Variants in MYH3 observed in about 807,000 individuals in gnomAD.
MYH3 encodes myosin heavy chain 3.
MYH3 carries 130 observed loss-of-function variants against 238.0 expected under a neutral mutation model. The observed-to-expected ratio is 0.55, with a 90% confidence interval of 0.47 to 0.63. MYH3 has a LOEUF of 0.63. Ranked by LOEUF, MYH3 falls within the 30% of genes least tolerant of loss-of-function variation. The pLI is 0.00. For synonymous variants in MYH3, 880 were observed against 924.1 expected (o/e 0.95, Z 0.86); for missense variants, 1,853 against 2,374.9 (o/e 0.78, Z 4.57).
chr17:10,636,288 CAAAAAAAA>C (rs397786526), intron 28 of MYH3, among the ~76,000 whole-genome samples: 1 of 81,024 alleles, frequency 1.2e-5, no homozygotes, highest in African/African-American at 5.2e-5. Context: ...GCCTCAATCT[CAAAAAAAA>C]AAAAAAAAAA....
At chr17:10,634,767 A>C (rs1166011067) in intron 31 of MYH3, 73 bp downstream of exon 31, 8 of 1,591,414 alleles carry the variant, frequency 5.0e-6, no homozygotes, top group Non-Finnish European at 6.9e-6. Context: ...TCCGGGATGC[A>C]TTCTCCTCCT....
rs148568052 is a variant in MYH3, at chr17:10,637,826, C to T, written c.3839G>A (p.Arg1280His). The part of the protein sequence containing the change: ...SLSELTTQKS[R>H]LQTEAGELSR... ...TGGCTTACCAGCCTCGGTCTGCAAA[C>T]GAGACTTCTGTGTGGTCAGCTCGCT... is the stretch of plus-strand genomic sequence containing the variant. The change falls in exon 28 of 41, where the codon CGT becomes CAT. Residue 1280 changes from arginine (R) to histidine (H), a missense_variant. Arg to His is a conservative substitution (Grantham distance 29). Coordinates refer to ENST00000583535, the MANE Select transcript of MYH3 (RefSeq NM_002470.4). 18 of 1,613,998 alleles carry T rather than the reference C, an allele frequency of 1.1e-5. No homozygotes were observed. The highest frequency in any genetic ancestry group is 2.2e-5 in the South Asian group (2 of 91,080).
chr17:10,655,661 CT>C (rs1321115622), intron 2 of MYH3, among the ~76,000 whole-genome samples: 9 of 148,590 alleles, frequency 6.1e-5, no homozygotes, highest in Admixed American at 6.8e-5. Context: ...CTGTCCTTGC[CT>C]TTTTTTTTTG....
chr17:10,656,486 G>A (rs1054070726), intron 1 of MYH3, among the ~76,000 whole-genome samples: 15 of 150,640 alleles, frequency 1.0e-4, no homozygotes, highest in Non-Finnish European at 1.8e-4. Context: ...GCAGTGAGCC[G>A]AGATTGTGCC....
the MYH3 span, among the ~76,000 whole-genome samples, chr17:10,672,009 T>C: frequency 1.3e-5 from 2 of 152,254 alleles, no homozygotes; most frequent in Non-Finnish European, 2.9e-5. Context: ...TGGTTTACTT[T>C]ATGCTTTCTG....
the MYH3 span, among the ~76,000 whole-genome samples, chr17:10,666,666 G>T: frequency 2.0e-5 from 3 of 152,044 alleles, no homozygotes; most frequent in East Asian, 1.9e-4. Flanking sequence ...GGAGGCTGAG[G>T]GGGGAGGACT....
chr17:10,639,329 GT>G lies in MYH3; in HGVS notation c.3070del (p.Thr1024ProfsTer16). 6.2e-7 allele frequency: 1 copy of G among 1,614,126 alleles called. No individual in the cohort carries two copies. Among genetic ancestry groups the G allele is most frequent in the Non-Finnish European group, 8.5e-7 (1 of 1,180,026 alleles). On this transcript the variant is annotated frameshift_variant, in exon 24 of 41. Transcript: ENST00000583535. LOFTEE classifies it high-confidence loss of function. ...CACTTGCTGTTCCAGTTTGCTCTTG[GT>G]TTTGTTCAAAGAATTGACTTTGTCT... is the stretch of plus-strand genomic sequence containing the variant. ...EEDKVNSLNK[T>X]KSKLEQQVED...
At chr17:10,649,534 G>A (rs374849713) in intron 7 of MYH3, 43 bp downstream of exon 7, 2 of 1,505,554 alleles carry the variant, frequency 1.3e-6, no homozygotes, top group African/African-American at 1.4e-5. Flanking sequence ...TAAGACCACA[G>A]TTAAAAGTGG....
rs554483729 is a variant in MYH3, at chr17:10,630,219, T to C, written c.5458-23A>G. 3.1e-6 allele frequency: 5 copies of C among 1,614,146 alleles called. No homozygotes were observed. The South Asian group carries it at 5.5e-5, about 18-fold the overall frequency. On this transcript the variant is annotated intron_variant, in intron 37 of 40. Transcript: ENST00000583535. ...GATCTGGGGGAGAGGGTGGGGAAAT[T>C]AGTCTGGGGCTGCAGCGTGATTGGG... is the stretch of plus-strand genomic sequence containing the variant.
chr17:10,628,562 A>G lies in MYH3; in HGVS notation c.*91T>C. The G allele has an allele frequency of 7.0e-7, 1 of 1,427,778 alleles. No individual in the cohort carries two copies. The highest frequency in any genetic ancestry group is 9.9e-7 in the Non-Finnish European group (1 of 1,010,226). 88.4% of individuals were successfully genotyped at this position (1,427,778 alleles called of 1,614,324 possible). ...ACAAAGCAAAGTTTATTGCATGTGA[A>G]AAAGAGTCACATGGACATTAAGTAT... On this transcript the variant is annotated 3_prime_UTR_variant, in exon 41 of 41. Coordinates refer to ENST00000583535, the MANE Select transcript of MYH3 (RefSeq NM_002470.4).
In MYH3 at chr17:10,642,852, C is replaced by A. The variant is rs921836422; in HGVS notation, c.1555G>T (p.Ala519Ser). 11 of 1,614,044 alleles carry A rather than the reference C, an allele frequency of 6.8e-6. No homozygotes were observed. The highest frequency in any genetic ancestry group is 9.3e-6 in the Non-Finnish European group (11 of 1,180,042). ...TTCTCGATGAGCTCGATGCAGGCAG[C>A]CAGGTCCATCCCGAAGTCAATGAAC... is the stretch of plus-strand genomic sequence containing the variant. ...WTFIDFGMDLAACIELIEKPM... is the reference protein window; with the variant it reads ...WTFIDFGMDLSACIELIEKPM... The change falls in exon 15 of 41, where the codon GCT becomes TCT. Residue 519 changes from alanine to serine, a missense_variant. Coordinates refer to ENST00000583535, the MANE Select transcript of MYH3 (RefSeq NM_002470.4). The surrounding 1 kb of genome is among the most constrained non-coding windows in gnomAD (Gnocchi z 5.4).
At position 10,639,202 on chromosome 17, in the gene MYH3, C is replaced by T; in HGVS notation, c.3103-13G>A. 1 of 1,614,164 alleles carries T rather than the reference C, an allele frequency of 6.2e-7. No homozygotes were observed. Among genetic ancestry groups the T allele is most frequent in the Non-Finnish European group, 8.5e-7 (1 of 1,180,026 alleles). Reference sequence around the variant, plus strand: ...GGGAGCTTTCCAGCTGAAAAAGGCACCATTTCCTTTTGGGAACAAATGCTT... The same window carrying T: ...GGGAGCTTTCCAGCTGAAAAAGGCATCATTTCCTTTTGGGAACAAATGCTT... On this transcript the variant is annotated splice_polypyrimidine_tract_variant and intron_variant, in intron 24 of 40. Transcript: ENST00000583535.
At chr17:10,655,397 G>A (rs1385680055) in intron 2 of MYH3, among the ~76,000 whole-genome samples, 6 of 152,316 alleles carry the variant, frequency 3.9e-5, no homozygotes, top group South Asian at 2.1e-4. Context: ...CGCCTTTTCC[G>A]CTTCTGTGAC....
Position 10,630,179 on chromosome 17 carries a change from A to T in MYH3, c.5475T>A (p.Phe1825Leu). 1 of 1,614,076 alleles carries T rather than the reference A, an allele frequency of 6.2e-7. No homozygotes were observed. The highest frequency in any genetic ancestry group is 8.5e-7 in the Non-Finnish European group (1 of 1,180,002). ...TCTTCTTCTGCTCTCCCTCAAGTTCAAACTCCAGCTCTCGGATCTGGGGGA... is the reference window on the plus strand; with the variant it reads ...TCTTCTTCTGCTCTCCCTCAAGTTCTAACTCCAGCTCTCGGATCTGGGGGA... ...KLETRIRELE[F>L]ELEGEQKKNT... Residue 1825 changes from phenylalanine (F) to leucine (L), a missense_variant, in exon 38 of 41, where the codon TTT (phenylalanine) becomes TTA (leucine). Phe to Leu is a conservative substitution (Grantham distance 22). Coordinates refer to ENST00000583535, the MANE Select transcript of MYH3 (RefSeq NM_002470.4).
At chr17:10,655,197 G>A in intron 2 of MYH3, 125 bp from the exon 3 acceptor site, 1 of 774,674 alleles carries the variant, frequency 1.3e-6, no homozygotes, top group Non-Finnish European at 2.3e-6. Flanking sequence ...CAGGGCCCCA[G>A]GAACCAGGCT....
At position 10,633,642 on chromosome 17, in the gene MYH3, C is replaced by G. The variant is rs1257282880; in HGVS notation, c.4596G>C (p.Lys1532Asn). ...TATCAGCCTTTTCCAGCTCAATCTG[C>G]TTTCTTGATTTCTCCAGTTCATGGA... ...KTIHELEKSR[K>N]QIELEKADIQ... The change falls in exon 33 of 41, where the codon AAG becomes AAC. Residue 1532 changes from lysine (K) to asparagine (N), a missense_variant. Physicochemically the swap from Lys to Asn is moderately conservative, Grantham distance 94. Coordinates refer to ENST00000583535, the MANE Select transcript of MYH3 (RefSeq NM_002470.4). 1 of 1,614,000 alleles carries G rather than the reference C, an allele frequency of 6.2e-7. No individual in the cohort carries two copies. Among genetic ancestry groups the G allele is most frequent in the South Asian group, 1.1e-5 (1 of 91,088 alleles).
At chr17:10,653,960 GTTC>G (rs1033900404) in intron 3 of MYH3, among the ~76,000 whole-genome samples, 1 of 152,024 alleles carries the variant, frequency 6.6e-6, no homozygotes, top group Admixed American at 6.6e-5. Flanking sequence ...CTGCAGGGCG[GTTC>G]TTATTTTTTG....
At position 10,632,750 on chromosome 17, in the gene MYH3, C is replaced by T. The variant is rs756126166; in HGVS notation, c.4682G>A (p.Arg1561Gln). ...ALEHEEAKIL[R>Q]IQLELTQVKS... is the part of the protein sequence containing the mutation. Reference sequence around the variant, plus strand: ...CACTTGTGTCAATTCAAGCTGGATTCGGAGGATCTTGGCTTCTTCATGCTC... The same window carrying T: ...CACTTGTGTCAATTCAAGCTGGATTTGGAGGATCTTGGCTTCTTCATGCTC... The change falls in exon 34 of 41, where the codon CGA becomes CAA. Residue 1561 changes from arginine to glutamine, a missense_variant. Around this residue, in one of 3 missense-constraint regions of MYH3, gnomAD observed 1,044 missense variants for 1,192.6 expected, o/e 0.88. Transcript: ENST00000583535. The T allele has an allele frequency of 8.1e-6, 13 of 1,614,088 alleles. No homozygotes were observed. The highest frequency in any genetic ancestry group is 1.6e-4 in the Middle Eastern group (1 of 6,084).
At chr17:10,643,320 G>T (rs1215637305) in intron 14 of MYH3, among the ~76,000 whole-genome samples, 1 of 151,462 alleles carries the variant, frequency 6.6e-6, no homozygotes, top group Non-Finnish European at 1.5e-5. Flanking sequence ...TTTTTCACCT[G>T]TATGTCTTGT....
Sources: allele counts gnomAD v4.1 joint callset (sites outside exome capture counted in the v4.1 genomes callset), GRCh38; gene constraint gnomAD v4.1.1; regional missense constraint gnomAD v4.1.1; non-coding constraint Gnocchi (gnomAD v3.1); transcripts MANE v1.5; gene names NCBI Gene and HGNC (gene_info 2026-07-23, HGNC 2026-07-21).